The following PLCB4 variants were observed in gnomAD, a reference collection of about 807,000 sequenced individuals.
PLCB4 encodes 1-phosphatidylinositol 4,5-bisphosphate phosphodiesterase beta-4.
In PLCB4, 77 loss-of-function variants were observed where a neutral mutation model predicts 178.8. The ratio of observed to expected loss-of-function variants is 0.43; its 90% CI spans 0.36 to 0.52. The LOEUF (loss-of-function observed/expected upper bound fraction) is 0.52. PLCB4 is among the 20% of genes least tolerant of loss of function. The pLI is 0.00. For synonymous variants in PLCB4, 496 were observed against 490.8 expected (o/e 1.01, Z -0.14); for missense variants, 1,024 against 1,453.4 (o/e 0.70, Z 4.80).
intron 1 of PLCB4, among the ~76,000 whole-genome samples, chr20:9,078,083 C>A (rs531589461): frequency 1.3e-5 from 2 of 152,024 alleles, no homozygotes; most frequent in South Asian, 4.2e-4. Context: ...TGGGCTCAAG[C>A]GATTTTCCTG....
At chr20:9,401,688 A>G in intron 20 of PLCB4, 98 bp downstream of exon 20, 1 of 764,838 alleles carries the variant, frequency 1.3e-6, no homozygotes, top group Non-Finnish European at 2.2e-6. Context: ...AGTAACCTAT[A>G]ATTCCCCTTC....
chr20:9,340,639 A>T (rs1433215289), intron 7 of PLCB4, among the ~76,000 whole-genome samples: 1 of 152,156 alleles, frequency 6.6e-6, no homozygotes, highest in African/African-American at 2.4e-5. Context: ...TTACCAATTC[A>T]TATTACAAGA....
At chr20:9,169,882 C>T (rs1455031849) in intron 2 of PLCB4, among the ~76,000 whole-genome samples, 1 of 152,146 alleles carries the variant, frequency 6.6e-6, no homozygotes, top group Non-Finnish European at 1.5e-5. Context: ...ATCCCTCTGT[C>T]TTTCACTGTC....
In PLCB4 at chr20:9,194,159, C is replaced by T. The variant is rs149471948; in HGVS notation, c.-78-23231C>T. On this transcript the variant is annotated intron_variant, in intron 2 of 39. Coordinates refer to ENST00000378473, the MANE Select transcript of PLCB4 (RefSeq NM_001377142.1). ...ATAGGAAGTGAAATATAAATTTTCA[C>T]ATTAGAAAAAAATGATTCCCACTTC... Among the ~76,000 whole-genome samples, 559 of 152,238 alleles carry T rather than the reference C, an allele frequency of 3.7e-3. 1 individual carries two copies. Among genetic ancestry groups the T allele is most frequent in the African/African-American group, 0.011 (445 of 41,548 alleles).
At chr20:9,187,269 C>T (rs1288096200) in intron 2 of PLCB4, among the ~76,000 whole-genome samples, 7 of 152,218 alleles carry the variant, frequency 4.6e-5, no homozygotes, top group African/African-American at 7.2e-5. Context: ...GCACCATGCC[C>T]GGCCTACTTG....
chr20:9,263,742 GA>G (rs2094321079), intron 3 of PLCB4, among the ~76,000 whole-genome samples: 2 of 152,180 alleles, frequency 1.3e-5, no homozygotes, highest in South Asian at 4.1e-4. Context: ...GTTTCTGCTA[GA>G]AACTTGAGTT....
At chr20:9,397,418 G>A (rs545248921) in intron 19 of PLCB4, among the ~76,000 whole-genome samples, 8 of 152,220 alleles carry the variant, frequency 5.3e-5, no homozygotes, top group Admixed American at 2.0e-4. Flanking sequence ...TCCTATGAAC[G>A]TTGATATTTT....
chr20:9,454,863 T>A (rs1469970372), intron 33 of PLCB4, among the ~76,000 whole-genome samples: 1 of 152,236 alleles, frequency 6.6e-6, no homozygotes, highest in Non-Finnish European at 1.5e-5. Flanking sequence ...GCACTGATTA[T>A]TGAGCATCTG....
intron 2 of PLCB4, among the ~76,000 whole-genome samples, chr20:9,163,573 T>G (rs563550592): frequency 3.6e-4 from 55 of 152,232 alleles, no homozygotes; most frequent in African/African-American, 1.2e-3. Context: ...TATGTTTATA[T>G]TCTGTTTTTT....
intron 2 of PLCB4, among the ~76,000 whole-genome samples, chr20:9,110,338 A>T (rs1336970617): frequency 2.0e-5 from 3 of 152,198 alleles, no homozygotes; most frequent in African/African-American, 7.2e-5. Flanking sequence ...GGATTTAAAC[A>T]TCTTTCAATG....
intron 2 of PLCB4, among the ~76,000 whole-genome samples, chr20:9,120,668 G>T (rs899879253): frequency 1.3e-5 from 2 of 152,070 alleles, no homozygotes; most frequent in South Asian, 4.1e-4. Context: ...CTTGACCCAA[G>T]CTCACCTCCA....
intron 3 of PLCB4, among the ~76,000 whole-genome samples, chr20:9,232,918 A>G (rs2093949068): frequency 6.6e-6 from 1 of 152,124 alleles, no homozygotes; most frequent in African/African-American, 2.4e-5. Flanking sequence ...TGATTGTAAT[A>G]TGTTTATTTG....
chr20:9,256,571 G>A (rs1449649726), intron 3 of PLCB4, among the ~76,000 whole-genome samples: 2 of 152,182 alleles, frequency 1.3e-5, no homozygotes, highest in Non-Finnish European at 2.9e-5. Context: ...AAAAACAGGA[G>A]AAAGGATGTT....
intron 7 of PLCB4, among the ~76,000 whole-genome samples, chr20:9,348,660 A>G (rs1364601489): frequency 6.6e-6 from 1 of 151,840 alleles, no homozygotes; most frequent in Admixed American, 6.6e-5. Context: ...TTTGTTTTTG[A>G]AACTCCCTAC....
At chr20:9,185,573 C>T (rs1453106095) in intron 2 of PLCB4, among the ~76,000 whole-genome samples, 1 of 152,128 alleles carries the variant, frequency 6.6e-6, no homozygotes, top group Non-Finnish European at 1.5e-5. Flanking sequence ...CTGTTCTGCA[C>T]TCAGCACCGA....
At chr20:9,368,887 C>G (rs1292651209) in intron 9 of PLCB4, among the ~76,000 whole-genome samples, 3 of 152,108 alleles carry the variant, frequency 2.0e-5, no homozygotes, top group Admixed American at 2.0e-4. Context: ...TAGTTTGATT[C>G]AACAAAAACT....
intron 5 of PLCB4, among the ~76,000 whole-genome samples, chr20:9,337,456 A>G (rs148408886): frequency 6.6e-6 from 1 of 152,356 alleles, no homozygotes; most frequent in East Asian, 1.9e-4. Context: ...ATGTTGTGAA[A>G]GAGAACACTG....
intron 2 of PLCB4, among the ~76,000 whole-genome samples, chr20:9,207,652 A>G (rs1331060513): frequency 1.3e-5 from 2 of 151,980 alleles, no homozygotes; most frequent in Admixed American, 1.3e-4. Flanking sequence ...TGAACTATAG[A>G]TTTTTTCTTT....
chr20:9,168,086 C>A (rs936360043), intron 2 of PLCB4, among the ~76,000 whole-genome samples: 8 of 152,174 alleles, frequency 5.3e-5, no homozygotes, highest in African/African-American at 1.7e-4. Flanking sequence ...TGGAAAAAAA[C>A]CACTTTATGT....
Sources: allele counts gnomAD v4.1 joint callset (sites outside exome capture counted in the v4.1 genomes callset), GRCh38; gene constraint gnomAD v4.1.1; transcripts MANE v1.5; gene names NCBI Gene and HGNC (gene_info 2026-07-23, HGNC 2026-07-21).